MARCHF1: variants seen among roughly 807,000 people sequenced by gnomAD.
The protein encoded by MARCHF1 is membrane associated ring-CH-type finger 1.
A neutral mutation model predicts 54.2 loss-of-function variants in MARCHF1; 40 were observed. That is an observed-to-expected ratio of 0.74 (90% CI 0.57 to 0.96). MARCHF1 has a LOEUF of 0.96. Ranked by LOEUF, MARCHF1 falls within the 40% of genes least tolerant of loss-of-function variation. The pLI, the probability that MARCHF1 is intolerant of heterozygous loss-of-function variation, is 0.00. For missense variants in MARCHF1, 586 were observed against 656.5 expected (o/e 0.89, Z 1.17); for synonymous variants, 236 against 236.3 (o/e 1.00, Z 0.01).
chr4:163,566,974 A>G (rs1241240493), intron 8 of MARCHF1, among the ~76,000 whole-genome samples: 1 of 152,210 alleles, frequency 6.6e-6, no homozygotes, highest in Non-Finnish European at 1.5e-5. Flanking sequence ...AGGTTCACCA[A>G]CACACCTTGC....
chr4:163,800,403 C>T (rs576088807), intron 4 of MARCHF1, among the ~76,000 whole-genome samples: 3 of 151,988 alleles, frequency 2.0e-5, no homozygotes, highest in Admixed American at 6.6e-5. Flanking sequence ...GTTCTTTCAA[C>T]ATTTTTTTGC....
chr4:163,851,743 G>C (rs1023052082), intron 4 of MARCHF1, among the ~76,000 whole-genome samples: 3 of 152,198 alleles, frequency 2.0e-5, no homozygotes, highest in African/African-American at 7.2e-5. Context: ...AGTTGGGCCT[G>C]AAATGGAAGG....
chr4:163,880,268 A>G (rs962602705), intron 3 of MARCHF1, among the ~76,000 whole-genome samples: 1 of 151,406 alleles, frequency 6.6e-6, no homozygotes, highest in Non-Finnish European at 1.5e-5. Flanking sequence ...ATTTTTATAA[A>G]ATTATTTTAT....
rs550444303 is a variant in MARCHF1, at chr4:164,033,654, G to T, written c.-247-44945C>A. 4.1e-4 allele frequency among the ~76,000 whole-genome samples: 62 copies of T among 152,214 alleles called. 1 individual carries two copies. The highest frequency in any genetic ancestry group is 1.4e-3 in the African/African-American group (57 of 41,532). On this transcript the variant is annotated intron_variant, in intron 2 of 9. Transcript: ENST00000514618. ...CTTCTCAAAAGAATACATTTATGTAGCCAACAAACATGAAAAAAAGCTCAA... is the reference window on the plus strand; with the variant it reads ...CTTCTCAAAAGAATACATTTATGTATCCAACAAACATGAAAAAAAGCTCAA...
intron 3 of MARCHF1, among the ~76,000 whole-genome samples, chr4:163,893,744 AT>A (rs1398068560): frequency 6.6e-6 from 1 of 152,190 alleles, no homozygotes; most frequent in African/African-American, 2.4e-5. Flanking sequence ...AAATGCATAA[AT>A]TAATAATAAT....
At chr4:163,921,429 C>T (rs962639587) in intron 3 of MARCHF1, among the ~76,000 whole-genome samples, 1 of 152,026 alleles carries the variant, frequency 6.6e-6, no homozygotes, top group Admixed American at 6.6e-5. Flanking sequence ...ACATGTTTGC[C>T]TTTAATCCAA....
At chr4:163,937,664 T>C (rs1390287558) in intron 3 of MARCHF1, among the ~76,000 whole-genome samples, 3 of 152,138 alleles carry the variant, frequency 2.0e-5, no homozygotes, top group African/African-American at 7.2e-5. Context: ...TAATTTTTCC[T>C]TGTAATCAGG....
intron 1 of MARCHF1, among the ~76,000 whole-genome samples, chr4:164,267,283 A>G (rs1733634908): frequency 6.6e-6 from 1 of 152,206 alleles, no homozygotes. Context: ...TCTCTTCCCT[A>G]TAATATAAGC....
intron 2 of MARCHF1, among the ~76,000 whole-genome samples, chr4:164,039,944 A>G (rs1754088466): frequency 6.7e-6 from 1 of 148,872 alleles, no homozygotes; most frequent in African/African-American, 2.4e-5. Flanking sequence ...CATCTTGGAT[A>G]AAATAAATTT....
intron 1 of MARCHF1, among the ~76,000 whole-genome samples, chr4:164,370,068 G>A (rs1245050235): frequency 6.6e-6 from 1 of 152,210 alleles, no homozygotes; most frequent in African/African-American, 2.4e-5. Flanking sequence ...GCACATTCAA[G>A]AAGAGTTAGA....
chr4:164,141,785 T>A (rs1336596911), intron 1 of MARCHF1, among the ~76,000 whole-genome samples: 1 of 152,084 alleles, frequency 6.6e-6, no homozygotes, highest in African/African-American at 2.4e-5. Flanking sequence ...ATTTTAAAAG[T>A]CAGTTAAAAA....
intron 7 of MARCHF1, among the ~76,000 whole-genome samples, chr4:163,598,612 T>C (rs1340210383): frequency 6.6e-6 from 1 of 152,146 alleles, no homozygotes; most frequent in African/African-American, 2.4e-5. Flanking sequence ...CAACTAAACA[T>C]AGAAAAGGTA....
At chr4:164,035,725 A>G (rs1327435966) in intron 2 of MARCHF1, among the ~76,000 whole-genome samples, 2 of 151,728 alleles carry the variant, frequency 1.3e-5, no homozygotes, top group Admixed American at 6.6e-5. Flanking sequence ...CAAATGTAGT[A>G]GATTTCCTGG....
In MARCHF1 at chr4:164,177,654, G is replaced by A. The variant is rs189160864; in HGVS notation, c.-322-65992C>T. On this transcript the variant is annotated intron_variant, in intron 1 of 9. Coordinates refer to ENST00000514618, the MANE Select transcript of MARCHF1 (RefSeq NM_001394959.1). Reference sequence around the variant, plus strand: ...AACTTTAATATTGATAGCAGTAAGTGACATACTTAAGAAGAAAAATGGATG... The same window carrying A: ...AACTTTAATATTGATAGCAGTAAGTAACATACTTAAGAAGAAAAATGGATG... Among the ~76,000 whole-genome samples, 6 of 152,218 alleles carry A rather than the reference G, an allele frequency of 3.9e-5. No homozygotes were observed. In the East Asian group the frequency reaches 1.2e-3, roughly 29 times the overall value.
chr4:164,376,185 A>G (rs913496380), intron 1 of MARCHF1, among the ~76,000 whole-genome samples: 3 of 152,236 alleles, frequency 2.0e-5, no homozygotes, highest in Admixed American at 6.5e-5. Context: ...ATAGTAAAAA[A>G]GAAGGAAGAG....
intron 2 of MARCHF1, among the ~76,000 whole-genome samples, chr4:164,101,026 C>T (rs567822996): frequency 1.3e-5 from 2 of 152,372 alleles, no homozygotes; most frequent in South Asian, 4.1e-4. Flanking sequence ...AATCAGGTCA[C>T]TCCCACCCGA....
chr4:163,835,313 C>T (rs1192751191), intron 4 of MARCHF1, among the ~76,000 whole-genome samples: 2 of 152,084 alleles, frequency 1.3e-5, no homozygotes, highest in African/African-American at 2.4e-5. Context: ...CTTAAAATCC[C>T]AGTCAGAAAT....
intron 4 of MARCHF1, among the ~76,000 whole-genome samples, chr4:163,813,773 C>T (rs758153826): frequency 3.9e-5 from 6 of 151,996 alleles, no homozygotes; most frequent in Admixed American, 2.0e-4. Context: ...TGTTTGCGGC[C>T]GATATGGTGT....
chr4:164,186,869 G>A (rs2111033633), intron 1 of MARCHF1, among the ~76,000 whole-genome samples: 1 of 152,306 alleles, frequency 6.6e-6, no homozygotes, highest in East Asian at 1.9e-4. Flanking sequence ...CAAAATTAGA[G>A]AGGAATGTAA....
Sources: allele counts gnomAD v4.1 joint callset (sites outside exome capture counted in the v4.1 genomes callset), GRCh38; gene constraint gnomAD v4.1.1; transcripts MANE v1.5; gene names NCBI Gene and HGNC (gene_info 2026-07-23, HGNC 2026-07-21).